Variants in HS6ST3 observed in about 807,000 individuals in gnomAD.
HS6ST3 encodes the protein heparan sulfate 6-O-sulfotransferase 3, also known as heparan-sulfate 6-O-sulfotransferase 3.
A neutral mutation model predicts 36.7 loss-of-function variants in HS6ST3; 12 were observed. The ratio of observed to expected loss-of-function variants is 0.33; its 90% CI spans 0.21 to 0.53. The LOEUF is 0.53. HS6ST3 is among the 20% of genes least tolerant of loss of function. The pLI is 0.95. For synonymous variants in HS6ST3, 240 were observed against 257.5 expected (o/e 0.93, Z 0.65); for missense variants, 584 against 640.9 (o/e 0.91, Z 0.96).
chr13:96,832,210 C>T (rs1878813960), intron 1 of HS6ST3, among the ~76,000 whole-genome samples: 1 of 152,080 alleles, frequency 6.6e-6, no homozygotes, highest in South Asian at 2.1e-4. Context: ...TGAATAATTG[C>T]TGAACGAATG....
intron 1 of HS6ST3, among the ~76,000 whole-genome samples, chr13:96,650,889 G>T (rs897792188): frequency 6.6e-6 from 1 of 151,996 alleles, no homozygotes; most frequent in Non-Finnish European, 1.5e-5. Context: ...TTCTACTCCT[G>T]TCTAAGTCCC....
chr13:96,534,557 TGTC>T (rs1259144859), intron 1 of HS6ST3, among the ~76,000 whole-genome samples: 1 of 152,214 alleles, frequency 6.6e-6, no homozygotes, highest in African/African-American at 2.4e-5. Context: ...CTTCCATCAT[TGTC>T]ATCATCATCA....
intron 1 of HS6ST3, among the ~76,000 whole-genome samples, chr13:96,362,758 G>C (rs541082059): frequency 1.3e-5 from 2 of 152,102 alleles, no homozygotes; most frequent in African/African-American, 4.8e-5. Context: ...TTTTCAATGG[G>C]TTAATAGTTA....
chr13:96,227,508 C>T (rs974816614), intron 1 of HS6ST3, among the ~76,000 whole-genome samples: 14 of 152,206 alleles, frequency 9.2e-5, no homozygotes, highest in African/African-American at 3.1e-4. Context: ...TGTGACACCA[C>T]TGGCTTTAAC....
At chr13:96,140,480 C>T (rs1454510690) in intron 1 of HS6ST3, among the ~76,000 whole-genome samples, 1 of 152,132 alleles carries the variant, frequency 6.6e-6, no homozygotes, top group Non-Finnish European at 1.5e-5. Flanking sequence ...CCTTGACTAA[C>T]ACCATGGGAC....
intron 1 of HS6ST3, among the ~76,000 whole-genome samples, chr13:96,570,836 T>C (rs1181827622): frequency 6.6e-6 from 1 of 152,192 alleles, no homozygotes; most frequent in African/African-American, 2.4e-5. Flanking sequence ...GTAAGTACTA[T>C]AGTAATGGTT....
intron 1 of HS6ST3, among the ~76,000 whole-genome samples, chr13:96,253,790 A>G (rs1390004647): frequency 6.6e-6 from 1 of 152,164 alleles, no homozygotes; most frequent in Non-Finnish European, 1.5e-5. Flanking sequence ...TGAATATAGT[A>G]TTGCTGTTGG....
chr13:96,712,931 G>T (rs1374634434), intron 1 of HS6ST3, among the ~76,000 whole-genome samples: 1 of 152,166 alleles, frequency 6.6e-6, no homozygotes, highest in African/African-American at 2.4e-5. Context: ...TTTAAAAATG[G>T]TAAAGCTTCA....
intron 1 of HS6ST3, among the ~76,000 whole-genome samples, chr13:96,107,695 A>T (rs757500357): frequency 2.6e-5 from 4 of 152,216 alleles, no homozygotes; most frequent in Non-Finnish European, 5.9e-5. Context: ...AAGAACATAA[A>T]TTGTGAAGAT....
At chr13:96,765,239 A>AT (rs1218000207) in intron 1 of HS6ST3, among the ~76,000 whole-genome samples, 4 of 151,820 alleles carry the variant, frequency 2.6e-5, no homozygotes, top group South Asian at 2.1e-4. Flanking sequence ...CGCCTGGCTA[A>AT]TTTTTTGTAT....
intron 1 of HS6ST3, among the ~76,000 whole-genome samples, chr13:96,680,021 C>T (rs1467544016): frequency 6.6e-6 from 1 of 152,018 alleles, no homozygotes; most frequent in African/African-American, 2.4e-5. Flanking sequence ...AGTGGAAGGC[C>T]ACTCTGGGAT....
chr13:96,224,806 A>G (rs1443981789), intron 1 of HS6ST3, among the ~76,000 whole-genome samples: 1 of 152,222 alleles, frequency 6.6e-6, no homozygotes, highest in East Asian at 1.9e-4. Flanking sequence ...TGATCCTTCT[A>G]CAGGATTCTT....
rs370202124 is a variant in HS6ST3 at position 96,208,793 on chromosome 13, C to T, written c.707+117224C>T. Reference sequence around the variant, plus strand: ...TTTGATATCCTCAATTAAAAGGGTACGAGGTGAAAGAGAATTTTTGTTTTT... The same window carrying T: ...TTTGATATCCTCAATTAAAAGGGTATGAGGTGAAAGAGAATTTTTGTTTTT... On this transcript the variant is annotated intron_variant, in intron 1 of 1. Coordinates refer to ENST00000376705, the MANE Select transcript of HS6ST3 (RefSeq NM_153456.4). Among the ~76,000 whole-genome samples, 8 of 152,188 alleles carry T rather than the reference C, an allele frequency of 5.3e-5. No homozygotes were observed. The South Asian group carries it at 1.2e-3, about 24-fold the overall frequency.
At position 96,567,502 on chromosome 13, in the gene HS6ST3, A is replaced by G. The variant is rs565581200; in HGVS notation, c.708-264988A>G. Among the ~76,000 whole-genome samples the G allele has an allele frequency of 7.9e-5, 12 of 152,158 alleles. 1 individual carries two copies. The highest frequency in any genetic ancestry group is 1.8e-4 in the Non-Finnish European group (12 of 68,024). On this transcript the variant is annotated intron_variant, in intron 1 of 1. Transcript: ENST00000376705. Reference sequence around the variant, plus strand: ...CTAAAAATTTTATATGCATCACTCTATTATATAATGAGTAATAATAAAATA... The same window carrying G: ...CTAAAAATTTTATATGCATCACTCTGTTATATAATGAGTAATAATAAAATA...
chr13:96,365,289 G>A (rs1305128202), intron 1 of HS6ST3, among the ~76,000 whole-genome samples: 1 of 152,160 alleles, frequency 6.6e-6, no homozygotes, highest in East Asian at 1.9e-4. Context: ...GCCACCCTGT[G>A]CCACGTGAGG....
chr13:96,537,215 G>A (rs1454499213), intron 1 of HS6ST3, among the ~76,000 whole-genome samples: 2 of 152,174 alleles, frequency 1.3e-5, no homozygotes, highest in African/African-American at 2.4e-5. Flanking sequence ...GAATGAGAAC[G>A]AAGAGAAAGA....
intron 1 of HS6ST3, among the ~76,000 whole-genome samples, chr13:96,406,476 A>G (rs2055478981): frequency 6.6e-6 from 1 of 152,214 alleles, no homozygotes; most frequent in Non-Finnish European, 1.5e-5. Flanking sequence ...GAAGTGCTGT[A>G]TGTATTCATC....
chr13:96,556,034 C>G (rs891354390), intron 1 of HS6ST3, among the ~76,000 whole-genome samples: 1 of 152,108 alleles, frequency 6.6e-6, no homozygotes, highest in South Asian at 2.1e-4. Flanking sequence ...CTTGATCTCC[C>G]GTGCATATGA....
chr13:96,262,916 G>C (rs1022895734), intron 1 of HS6ST3, among the ~76,000 whole-genome samples: 4 of 152,094 alleles, frequency 2.6e-5, no homozygotes, highest in African/African-American at 9.7e-5. Flanking sequence ...TTATACCTCA[G>C]ACGTATTTGT....
Sources: allele counts gnomAD v4.1 joint callset (sites outside exome capture counted in the v4.1 genomes callset), GRCh38; gene constraint gnomAD v4.1.1; transcripts MANE v1.5; gene names NCBI Gene and HGNC (gene_info 2026-07-23, HGNC 2026-07-21).